The following TUBGCP4 variants were observed in gnomAD, a reference collection of about 807,000 sequenced individuals.
The protein encoded by TUBGCP4 is tubulin gamma complex component 4.
In TUBGCP4, 54 loss-of-function variants were observed where a neutral mutation model predicts 91.6. That is an observed-to-expected ratio of 0.59 (90% confidence interval 0.47 to 0.74). The LOEUF (loss-of-function observed/expected upper bound fraction) is 0.74, where lower values mean the gene tolerates loss of function less well. Among genes scored for constraint, TUBGCP4 ranks in the 30% least tolerant of loss-of-function variants. The pLI, the probability that TUBGCP4 is intolerant of heterozygous loss-of-function variation, is 0.00. For missense variants in TUBGCP4, 593 were observed against 800.9 expected, an observed-to-expected ratio of 0.74 and a Z score of 3.13; for synonymous variants, 297 against 302.8, an observed-to-expected ratio of 0.98 and a Z score of 0.20.
At chr15:43,381,643 G>T (rs1316607363) in intron 6 of TUBGCP4, among the ~76,000 whole-genome samples, 2 of 152,008 alleles carry the variant, frequency 1.3e-5, no homozygotes, top group Non-Finnish European at 2.9e-5. Flanking sequence ...GAGGCAGAAG[G>T]ATTGCTTTAG....
chr15:43,373,470 G>A (rs533558915), intron 1 of TUBGCP4, among the ~76,000 whole-genome samples: 1 of 152,246 alleles, frequency 6.6e-6, no homozygotes, highest in East Asian at 1.9e-4. Flanking sequence ...TAGCTATGTG[G>A]TTGGGATATG....
rs2045010554 is a variant in TUBGCP4 at position 43,408,701 on chromosome 15, T to G, written c.*3487T>G. On this transcript the variant is annotated 3_prime_UTR_variant, in exon 18 of 18. Transcript: ENST00000564079. ...GAACCTATATACAAATCTTCACACA[T>G]TTGCAAAAGGTTCCTAGCCAATGTA... The G allele has an allele frequency of 1.7e-6, 1 of 587,794 alleles. No homozygotes were observed. The highest frequency in any genetic ancestry group is 2.9e-5 in the East Asian group (1 of 34,916). The allele number at this position is 587,794 out of a possible 1,614,324, so 36.4% of individuals were successfully genotyped here.
chr15:43,405,181 G>A (rs1163885173), intron 17 of TUBGCP4, 21 bp from the exon 18 acceptor site: 1 of 1,613,868 alleles, frequency 6.2e-7, no homozygotes, highest in Admixed American at 1.7e-5. Flanking sequence ...CACTTAATAA[G>A]GCTCTTTTTC....
At chr15:43,401,692 A>G in intron 14 of TUBGCP4, 24 bp from the exon 15 acceptor site, 1 of 1,612,466 alleles carries the variant, frequency 6.2e-7, no homozygotes, top group Non-Finnish European at 8.5e-7. Flanking sequence ...GCAAAGTGCT[A>G]AAATTTTTTG....
At position 43,408,270 on chromosome 15, in the gene TUBGCP4, G is replaced by A. The variant is rs190749060; in HGVS notation, c.*3056G>A. 746 of 603,424 alleles carry A rather than the reference G, an allele frequency of 1.2e-3. 3 individuals carry two copies. The African/African-American group carries it at 0.013, about 10-fold the overall frequency. The allele number at this position is 603,424 out of a possible 1,614,324, so 37.4% of individuals were successfully genotyped here. A position where few individuals can be genotyped will look rare whatever the true frequency, so the allele number is the denominator to read the frequency against. ...TCGTGGTTGGATCTCTTGGGCCTGG[G>A]AGTTCGAGACCAGCCTGGGCAATGT... On this transcript the variant is annotated 3_prime_UTR_variant, in exon 18 of 18. Transcript: ENST00000564079.
chr15:43,390,996 TTTTTC>T (rs1326146529), intron 9 of TUBGCP4, among the ~76,000 whole-genome samples: 8 of 151,818 alleles, frequency 5.3e-5, no homozygotes, highest in Non-Finnish European at 7.4e-5. Flanking sequence ...TTTTCTTTTT[TTTTTC>T]TTTTCTTTTC....
In TUBGCP4 at chr15:43,398,065, C is replaced by T. The variant is rs1313066706; in HGVS notation, c.1304C>T (p.Pro435Leu). 6.2e-7 allele frequency: 1 copy of T among 1,613,956 alleles called. No homozygotes were observed. Among genetic ancestry groups the T allele is most frequent in the East Asian group, 2.2e-5 (1 of 44,884 alleles). The change falls in exon 13 of 18, where the codon CCT becomes CTT. Residue 435 changes from proline (P) to leucine (L), a missense_variant. Physicochemically the swap from Pro to Leu is moderately conservative, Grantham distance 98 (BLOSUM62 -3). Transcript: ENST00000564079. ...HKDATQAREG[P>L]SRETSPREAP... is the part of the protein sequence containing the mutation. ...GATGCTACTCAGGCAAGAGAAGGGC[C>T]TTCTCGGGAAACTTCTCCCCGGGAA...
At chr15:43,380,457 T>G (rs2044270371) in intron 6 of TUBGCP4, among the ~76,000 whole-genome samples, 1 of 152,272 alleles carries the variant, frequency 6.6e-6, no homozygotes, top group African/African-American at 2.4e-5. Context: ...CCATTACATG[T>G]GCCAGATGTT....
chr15:43,407,102 T>C lies in TUBGCP4; in HGVS notation c.*1888T>C, dbSNP rs1207280874. 9.0e-6 allele frequency: 3 copies of C among 331,722 alleles called. No homozygotes were observed. The highest frequency in any genetic ancestry group is 1.7e-5 in the Non-Finnish European group (3 of 178,722). The allele number at this position is 331,722 out of a possible 1,614,324, so 20.5% of individuals were successfully genotyped here. A position where few individuals can be genotyped will look rare whatever the true frequency, so the allele number is the denominator to read the frequency against. On this transcript the variant is annotated 3_prime_UTR_variant, in exon 18 of 18. Coordinates refer to ENST00000564079, the MANE Select transcript of TUBGCP4 (RefSeq NM_014444.5). ...TTCACTCTTAACTTTTCAATTTCCT[T>C]GGCCAGCTGTCCTCCGTAAGTGAAT...
chr15:43,385,205 C>T (rs1424966601), intron 7 of TUBGCP4, among the ~76,000 whole-genome samples: 1 of 152,156 alleles, frequency 6.6e-6, no homozygotes, highest in African/African-American at 2.4e-5. Context: ...CATATGGAAT[C>T]ATCAGCATGG....
At position 43,400,202 on chromosome 15, in the gene TUBGCP4, A is replaced by C. The variant is rs763456628; in HGVS notation, c.1577A>C (p.Asn526Thr). 6.2e-7 allele frequency: 1 copy of C among 1,614,150 alleles called. No individual in the cohort carries two copies. The highest frequency in any genetic ancestry group is 8.5e-7 in the Non-Finnish European group (1 of 1,180,010). ...LRNHMAFLVD[N>T]LQYYLQVDVL... ...AATCACATGGCATTTTTGGTGGATA[A>C]TCTTCAGTACTATCTCCAGGTCTGT... The change falls in exon 14 of 18, where the codon AAT becomes ACT. Residue 526 changes from asparagine to threonine, a missense_variant. Asn to Thr is a moderately conservative substitution (Grantham distance 65). Coordinates refer to ENST00000564079, the MANE Select transcript of TUBGCP4 (RefSeq NM_014444.5).
intron 1 of TUBGCP4, among the ~76,000 whole-genome samples, chr15:43,372,264 A>G (rs960609669): frequency 6.6e-6 from 1 of 152,224 alleles, no homozygotes; most frequent in African/African-American, 2.4e-5. Flanking sequence ...ACTGAAATCT[A>G]GGTCCGTCTG....
At chr15:43,391,158 G>A (rs541901290) in intron 9 of TUBGCP4, among the ~76,000 whole-genome samples, 1 of 151,812 alleles carries the variant, frequency 6.6e-6, no homozygotes, top group African/African-American at 2.4e-5. Flanking sequence ...GCCTTCCAAA[G>A]TACAGGGATT....
At chr15:43,399,536 G>T (rs2044633096) in intron 13 of TUBGCP4, among the ~76,000 whole-genome samples, 1 of 152,084 alleles carries the variant, frequency 6.6e-6, no homozygotes, top group African/African-American at 2.4e-5. Flanking sequence ...AGTAGAGATG[G>T]CATCTCACTA....
At chr15:43,395,527 C>A in intron 10 of TUBGCP4, 56 bp from the exon 11 acceptor site, 1 of 1,254,270 alleles carries the variant, frequency 8.0e-7, no homozygotes, top group Non-Finnish European at 1.2e-6. Flanking sequence ...TTCCTCAGGA[C>A]AGTGAGGAGC....
chr15:43,390,499 A>T (rs2044448226), intron 9 of TUBGCP4, among the ~76,000 whole-genome samples: 1 of 146,844 alleles, frequency 6.8e-6, no homozygotes, highest in African/African-American at 2.6e-5. Context: ...TTTGTTTTTA[A>T]TCTTTTTTCT....
At chr15:43,389,206 A>G (rs760864987) in intron 9 of TUBGCP4, among the ~76,000 whole-genome samples, 5 of 152,186 alleles carry the variant, frequency 3.3e-5, no homozygotes, top group Non-Finnish European at 7.3e-5. Flanking sequence ...GAGGTACTTA[A>G]TAGTTTTCAT....
chr15:43,388,007 C>A (rs895689394), intron 9 of TUBGCP4, among the ~76,000 whole-genome samples: 1 of 150,902 alleles, frequency 6.6e-6, no homozygotes, highest in African/African-American at 2.4e-5. Flanking sequence ...CACCAGCATG[C>A]CTGGCAAACT....
At chr15:43,386,692 T>C (rs1401538215) in intron 9 of TUBGCP4, among the ~76,000 whole-genome samples, 1 of 115,716 alleles carries the variant, frequency 8.6e-6, no homozygotes, top group African/African-American at 3.5e-5. Flanking sequence ...ACCATTGCAC[T>C]CCAACCTGGG....
Sources: allele counts gnomAD v4.1 joint callset (sites outside exome capture counted in the v4.1 genomes callset), GRCh38; gene constraint gnomAD v4.1.1; transcripts MANE v1.5; gene names NCBI Gene and HGNC (gene_info 2026-07-23, HGNC 2026-07-21).